The following LIMCH1 variants were observed in gnomAD, a reference collection of about 807,000 sequenced individuals.
The protein encoded by LIMCH1 is LIM and calponin homology domains-containing protein 1.
In LIMCH1, 113 loss-of-function variants were observed where a neutral mutation model predicts 176.5. The observed-to-expected ratio is 0.64, with a 90% confidence interval of 0.55 to 0.75. LIMCH1 has a LOEUF of 0.75. LIMCH1 is among the 30% of genes least tolerant of loss of function. The pLI, the probability that LIMCH1 is intolerant of heterozygous loss-of-function variation, is 0.00. For synonymous variants in LIMCH1, 619 were observed against 645.9 expected (o/e 0.96, Z 0.63); for missense variants, 1,674 against 1,814.9 (o/e 0.92, Z 1.41).
In LIMCH1 at chr4:41,686,025, T is replaced by C. The variant is rs1381019081; in HGVS notation, c.4088+195T>C. ...GTCTTTCTGGCAAGTAAATATGTAC[T>C]CTGAATTTATCAAGTTGTAATAGGC... is the stretch of plus-strand genomic sequence containing the variant. On this transcript the variant is annotated intron_variant, in intron 28 of 31. Transcript: ENST00000503057. Among the ~76,000 whole-genome samples the C allele has an allele frequency of 4.6e-5, 7 of 152,186 alleles. No individual in the cohort carries two copies. The South Asian group carries it at 8.3e-4, about 18-fold the overall frequency.
chr4:41,660,397 G>A (rs556642201), intron 18 of LIMCH1, among the ~76,000 whole-genome samples: 78 of 152,308 alleles, frequency 5.1e-4, no homozygotes, highest in Admixed American at 7.2e-4. Flanking sequence ...GTGCCATGGA[G>A]ATGAACATGA....
chr4:41,618,798 G>A (rs886815221), intron 5 of LIMCH1, among the ~76,000 whole-genome samples: 9 of 152,196 alleles, frequency 5.9e-5, no homozygotes, highest in Non-Finnish European at 1.2e-4. Flanking sequence ...ATTTGCTGGA[G>A]TATCTAGCAT....
chr4:41,392,907 C>G (rs1013048738), intron 1 of LIMCH1, among the ~76,000 whole-genome samples: 1 of 152,036 alleles, frequency 6.6e-6, no homozygotes, highest in Non-Finnish European at 1.5e-5. Flanking sequence ...TGGTGCATGC[C>G]TATAGTCTCA....
At chr4:41,506,468 C>A (rs2074175246) in intron 2 of LIMCH1, among the ~76,000 whole-genome samples, 1 of 152,044 alleles carries the variant, frequency 6.6e-6, no homozygotes, top group Non-Finnish European at 1.5e-5. Flanking sequence ...AATTAGGCAC[C>A]AAGAGGCATA....
At chr4:41,486,959 T>TATAC (rs1258537790) in intron 1 of LIMCH1, among the ~76,000 whole-genome samples, 5 of 115,958 alleles carry the variant, frequency 4.3e-5, no homozygotes, top group African/African-American at 1.0e-4. Context: ...TATATATATA[T>TATAC]ACACACACAC....
At chr4:41,524,740 G>A (rs946376789) in intron 3 of LIMCH1, among the ~76,000 whole-genome samples, 10 of 152,298 alleles carry the variant, frequency 6.6e-5, no homozygotes, top group Admixed American at 3.3e-4. Flanking sequence ...GGTGTGAGAG[G>A]CTGATAATTA....
Position 41,662,974 on chromosome 4 carries a change from T to C in LIMCH1, c.3281T>C (p.Leu1094Pro), listed in dbSNP as rs1244018648. Residue 1094 changes from leucine to proline, a missense_variant, in exon 20 of 32, where the codon CTG becomes CCG. Physicochemically the swap from Leu to Pro is moderately conservative, Grantham distance 98. Around this residue, in one of 3 missense-constraint regions of LIMCH1, gnomAD observed 1,015 missense variants for 1,102.5 expected, o/e 0.92. Transcript: ENST00000503057. ...ATGAGTGGAAAGGTGGAGTTGGTGC[T>C]GTCACAAAAGGTGAAGTGCAGAGTG... ...NEMSGKVELV[L>P]SQKVVKPKSP... 5 of 1,613,650 alleles carry C rather than the reference T, an allele frequency of 3.1e-6. No homozygotes were observed. The Admixed American group carries it at 6.7e-5, about 22-fold the overall frequency.
At chr4:41,599,833 A>G (rs1363314432) in intron 2 of LIMCH1, among the ~76,000 whole-genome samples, 3 of 152,238 alleles carry the variant, frequency 2.0e-5, no homozygotes, top group Non-Finnish European at 4.4e-5. Flanking sequence ...ATGAAGGAAC[A>G]GAAAAGGGAG....
At chr4:41,552,252 G>C (rs1208244625) in intron 1 of LIMCH1, among the ~76,000 whole-genome samples, 1 of 152,172 alleles carries the variant, frequency 6.6e-6, no homozygotes. Flanking sequence ...TTTGGGTGGA[G>C]ACACAGCCAA....
At chr4:41,522,587 G>A (rs1466246665) in intron 2 of LIMCH1, among the ~76,000 whole-genome samples, 1 of 152,088 alleles carries the variant, frequency 6.6e-6, no homozygotes. Flanking sequence ...AAAGTAGCGA[G>A]AAAAAGAATT....
chr4:41,379,711 CCA>C (rs1260485828), intron 1 of LIMCH1, among the ~76,000 whole-genome samples: 4 of 152,152 alleles, frequency 2.6e-5, no homozygotes, highest in Non-Finnish European at 5.9e-5. Context: ...TTTGTCTAGT[CCA>C]GTCTATTTAG....
At chr4:41,691,131 C>A (rs1301072148) in intron 30 of LIMCH1, among the ~76,000 whole-genome samples, 8 of 152,108 alleles carry the variant, frequency 5.3e-5, no homozygotes, top group Non-Finnish European at 1.2e-4. Context: ...TCTAATCATT[C>A]ACTTCCTGGA....
At chr4:41,415,200 C>A (rs1244089218) in intron 1 of LIMCH1, among the ~76,000 whole-genome samples, 1 of 151,914 alleles carries the variant, frequency 6.6e-6, no homozygotes, top group African/African-American at 2.4e-5. Flanking sequence ...CCTGAAAATG[C>A]AGAGGGATTA....
chr4:41,648,824 C>T (rs1400164560), intron 17 of LIMCH1, among the ~76,000 whole-genome samples: 2 of 150,940 alleles, frequency 1.3e-5, no homozygotes, highest in Non-Finnish European at 2.9e-5. Flanking sequence ...AGTTACCACC[C>T]GTTGCTAGGT....
chr4:41,377,616 A>G (rs1176558708), intron 1 of LIMCH1, among the ~76,000 whole-genome samples: 3 of 152,172 alleles, frequency 2.0e-5, no homozygotes, highest in African/African-American at 2.4e-5. Context: ...TTCTGTTGCT[A>G]TAACTAAATA....
At chr4:41,670,680 A>G in intron 21 of LIMCH1, 1 of 1,469,388 alleles carries the variant, frequency 6.8e-7, no homozygotes, top group Non-Finnish European at 9.2e-7. Flanking sequence ...CCCAGTTTTC[A>G]TGGTTTTCTG....
rs558728636 is a variant in LIMCH1, at chr4:41,458,366, C to A, written c.97-36170C>A. Among the ~76,000 whole-genome samples, 24 of 152,062 alleles carry A rather than the reference C, an allele frequency of 1.6e-4. No individual in the cohort carries two copies. In the South Asian group the frequency reaches 4.8e-3, roughly 30 times the overall value. On this transcript the variant is annotated intron_variant, in intron 1 of 26. Transcript: ENST00000313860. ...AGTTTGAACAGATCTTGAGAGGTAC[C>A]TAGTAATTGAATAGGGGTGGAATAA...
At chr4:41,547,651 T>C (rs1290346847) in intron 1 of LIMCH1, among the ~76,000 whole-genome samples, 1 of 145,520 alleles carries the variant, frequency 6.9e-6, no homozygotes, top group Non-Finnish European at 1.5e-5. Flanking sequence ...ATATAATATA[T>C]ACAGATATAA....
chr4:41,594,482 C>G (rs1028505980), intron 1 of LIMCH1, among the ~76,000 whole-genome samples: 1 of 152,204 alleles, frequency 6.6e-6, no homozygotes, highest in Non-Finnish European at 1.5e-5. Context: ...GTGGAAAAAT[C>G]TCAGTGTGAA....
Sources: allele counts gnomAD v4.1 joint callset (sites outside exome capture counted in the v4.1 genomes callset), GRCh38; gene constraint gnomAD v4.1.1; regional missense constraint gnomAD v4.1.1; transcripts MANE v1.5; gene names NCBI Gene and HGNC (gene_info 2026-07-23, HGNC 2026-07-21).